XXYLT1: variants seen among roughly 807,000 people sequenced by gnomAD.
XXYLT1 encodes xyloside xylosyltransferase 1, also known as UDP-xylose:alpha-xyloside alpha-1,3-xylosyltransferase.
XXYLT1 carries 20 observed loss-of-function variants against 28.9 expected under a neutral mutation model. That is an observed-to-expected ratio of 0.69 (90% CI 0.49 to 1.00). XXYLT1 has a LOEUF of 1.00. XXYLT1 is among the 50% of genes least tolerant of loss of function. The pLI is 0.00. For missense variants in XXYLT1, 542 were observed against 560.1 expected (o/e 0.97, Z 0.33); for synonymous variants, 257 against 253.8 (o/e 1.01, Z -0.12).
chr3:195,202,185 A>G (rs904857834), intron 2 of XXYLT1, among the ~76,000 whole-genome samples: 1 of 152,170 alleles, frequency 6.6e-6, no homozygotes, highest in Non-Finnish European at 1.5e-5. Flanking sequence ...TCAAAAAAAA[A>G]GAGTAGACAA....
chr3:195,235,311 C>T (rs1163318127), intron 1 of XXYLT1, among the ~76,000 whole-genome samples: 1 of 152,138 alleles, frequency 6.6e-6, no homozygotes, highest in Non-Finnish European at 1.5e-5. Flanking sequence ...CTGATGCATT[C>T]TTCAGTAAGT....
chr3:195,120,476 G>A (rs1006800410), intron 3 of XXYLT1, among the ~76,000 whole-genome samples: 6 of 152,152 alleles, frequency 3.9e-5, no homozygotes, highest in Admixed American at 6.5e-5. Flanking sequence ...CAGCATTGCC[G>A]TGAGGATTCA....
intron 3 of XXYLT1, among the ~76,000 whole-genome samples, chr3:195,130,698 G>A (rs1241208604): frequency 1.3e-5 from 2 of 152,126 alleles, no homozygotes; most frequent in South Asian, 2.1e-4. Context: ...GGAGGGGAAC[G>A]GAGGCAACAG....
rs1718823305 is a variant in XXYLT1, at chr3:195,129,989, T to C, written c.785+26460A>G. On this transcript the variant is annotated intron_variant, in intron 3 of 3. Coordinates refer to ENST00000310380, the MANE Select transcript of XXYLT1 (RefSeq NM_152531.5). This position sits in a 1 kb window ranked among gnomAD's most constrained non-coding sequence, Gnocchi z 4.4. ...CCAGCACCTGTTATTGTCCTGCCTT[T>C]CTTTTTTTATTATAGCTGACCAGTG... Among the ~76,000 whole-genome samples, 1 of 152,238 alleles carries C rather than the reference T, an allele frequency of 6.6e-6. No individual in the cohort carries two copies. The highest frequency in any genetic ancestry group is 2.4e-5 in the African/African-American group (1 of 41,444).
intron 1 of XXYLT1, chr3:195,248,067 C>G (rs559971312): frequency 1.5e-4 from 81 of 523,478 alleles, no homozygotes; most frequent in African/African-American, 1.3e-3. Flanking sequence ...GCTGCCTGCT[C>G]TCCTGGGTTT....
intron 1 of XXYLT1, among the ~76,000 whole-genome samples, chr3:195,250,910 T>C (rs1474109323): frequency 3.3e-5 from 5 of 152,342 alleles, no homozygotes; most frequent in Admixed American, 1.3e-4. Context: ...TGGCTTCAGA[T>C]AGCAGCAATA....
At chr3:195,250,229 A>G (rs1012595670) in intron 1 of XXYLT1, among the ~76,000 whole-genome samples, 4 of 152,050 alleles carry the variant, frequency 2.6e-5, no homozygotes, top group African/African-American at 4.8e-5. Context: ...TCTTCACTCA[A>G]TGTCACCTTT....
chr3:195,213,158 AGCTTTGGCT>A lies in XXYLT1; in HGVS notation c.652+13542_652+13550del, dbSNP rs549449161. Among the ~76,000 whole-genome samples, 42 of 152,308 alleles carry A rather than the reference AGCTTTGGCT, an allele frequency of 2.8e-4. 1 individual carries two copies. The South Asian group carries it at 8.3e-3, about 30-fold the overall frequency. Reference sequence around the variant, plus strand: ...CAGGAAAGGCTGGCTGATATGAGGTAGCTTTGGCTGGAAGGTGAGGCTTTCCTGCCCACA... The same window carrying A: ...CAGGAAAGGCTGGCTGATATGAGGTAGGAAGGTGAGGCTTTCCTGCCCACA... On this transcript the variant is annotated intron_variant, in intron 2 of 3. Coordinates refer to ENST00000310380, the MANE Select transcript of XXYLT1 (RefSeq NM_152531.5).
intron 2 of XXYLT1, among the ~76,000 whole-genome samples, chr3:195,164,861 A>G (rs1025328185): frequency 1.3e-5 from 2 of 152,094 alleles, no homozygotes; most frequent in African/African-American, 4.8e-5. Context: ...TTAGTGCTGA[A>G]GTGCAGTTTG....
At chr3:195,219,115 T>C (rs1439474662) in intron 2 of XXYLT1, among the ~76,000 whole-genome samples, 3 of 144,964 alleles carry the variant, frequency 2.1e-5, no homozygotes, top group Non-Finnish European at 4.5e-5. Context: ...AACTGAACAA[T>C]GAGATCACAT....
At chr3:195,227,229 G>A (rs1038989489) in intron 1 of XXYLT1, among the ~76,000 whole-genome samples, 11 of 152,166 alleles carry the variant, frequency 7.2e-5, no homozygotes, top group African/African-American at 2.4e-4. Flanking sequence ...TGGAAACCAC[G>A]TGAGAGTGTG....
chr3:195,098,409 C>T (rs149057877), intron 3 of XXYLT1, among the ~76,000 whole-genome samples: 2,468 of 152,164 alleles, frequency 0.016, 63 homozygotes, highest in African/African-American at 0.055. Context: ...AAAAATTAGC[C>T]GGGCGTGGTG....
chr3:195,138,998 ACAGCCAGGGGTT>A (rs1039854619), intron 3 of XXYLT1, among the ~76,000 whole-genome samples: 4 of 152,186 alleles, frequency 2.6e-5, no homozygotes, highest in Admixed American at 2.0e-4. Flanking sequence ...TGTGTGGGCA[ACAGCCAGGGGTT>A]CAGTGCAGCT....
In XXYLT1 at chr3:195,156,580, C is replaced by G. The variant is rs1241788178; in HGVS notation, c.654G>C (p.Glu218Asp). 4 of 1,614,108 alleles carry G rather than the reference C, an allele frequency of 2.5e-6. No individual in the cohort carries two copies. In the South Asian group the frequency reaches 4.4e-5, roughly 18 times the overall value. Residue 218 changes from glutamate to aspartate, a missense_variant and splice_region_variant, in exon 3 of 4, where the codon GAG becomes GAC. By Grantham distance (45) the Glu-to-Asp change is conservative (BLOSUM62 2). Transcript: ENST00000310380. ...SVAMHQIMPK[E>D]ILQIIQLDLD... ...GGTCCAGCTGAATGATCTGCAGGAT[C>G]TCTGCGGGAAAGAGAAAAGGACAAT...
At chr3:195,260,310 ACGCCCGC>A (rs1232990545) in intron 1 of XXYLT1, among the ~76,000 whole-genome samples, 2 of 151,776 alleles carry the variant, frequency 1.3e-5, no homozygotes, top group African/African-American at 4.8e-5. Context: ...CCAACGCCCG[ACGCCCGC>A]GGCCCCTCCT....
chr3:195,220,910 G>T (rs1422509109), intron 2 of XXYLT1, among the ~76,000 whole-genome samples: 1 of 152,148 alleles, frequency 6.6e-6, no homozygotes, highest in Non-Finnish European at 1.5e-5. Context: ...AATATAGTAT[G>T]GCAAGGGGGA....
rs1715275759 is a variant in XXYLT1, at chr3:195,078,946, T to C, written c.786-8835A>G. ...CTACCCACTCGGCTCTCCATGAACT[T>C]TGCGACCAGACGCACTCTGCTCCAG... On this transcript the variant is annotated intron_variant, in intron 3 of 3. Coordinates refer to ENST00000310380, the MANE Select transcript of XXYLT1 (RefSeq NM_152531.5). This position sits in a 1 kb window ranked among gnomAD's most constrained non-coding sequence, Gnocchi z 5.0. Among the ~76,000 whole-genome samples the C allele has an allele frequency of 6.6e-6, 1 of 152,146 alleles. No individual in the cohort carries two copies. The highest frequency in any genetic ancestry group is 1.5e-5 in the Non-Finnish European group (1 of 68,028).
At chr3:195,142,837 C>G (rs548552829) in intron 3 of XXYLT1, among the ~76,000 whole-genome samples, 4 of 152,346 alleles carry the variant, frequency 2.6e-5, no homozygotes, top group African/African-American at 9.6e-5. Context: ...TGCCACATCA[C>G]GCCCAGGCTG....
At chr3:195,237,203 C>T (rs1724586848) in intron 1 of XXYLT1, among the ~76,000 whole-genome samples, 1 of 152,052 alleles carries the variant, frequency 6.6e-6, no homozygotes, top group Non-Finnish European at 1.5e-5. Flanking sequence ...TATTTAGAAC[C>T]CAGAACACTT....
Sources: allele counts gnomAD v4.1 joint callset (sites outside exome capture counted in the v4.1 genomes callset), GRCh38; gene constraint gnomAD v4.1.1; non-coding constraint Gnocchi (gnomAD v3.1); transcripts MANE v1.5; gene names NCBI Gene and HGNC (gene_info 2026-07-23, HGNC 2026-07-21).